The following SNRPN variants were observed in gnomAD, a reference collection of about 807,000 sequenced individuals.
SNRPN encodes small nuclear ribonucleoprotein-associated protein N.
Under a neutral mutation model 25.2 loss-of-function variants are expected in SNRPN, and 7 were observed. The ratio of observed to expected loss-of-function variants is 0.28; its 90% CI spans 0.16 to 0.52. SNRPN has a LOEUF of 0.52. Among genes scored for constraint, SNRPN ranks in the 20% least tolerant of loss-of-function variants. The pLI is 0.96. For missense variants in SNRPN, 196 were observed against 322.5 expected (o/e 0.61, Z 3.00); for synonymous variants, 124 against 110.6 (o/e 1.12, Z -0.76).
chr15:24,883,258 T>A (rs774679629), intron 1 of SNRPN, among the ~76,000 whole-genome samples: 5 of 152,242 alleles, frequency 3.3e-5, no homozygotes, highest in Non-Finnish European at 7.3e-5. Flanking sequence ...TTGGATGGTC[T>A]GCGGTGGGCA....
intron 3 of SNRPN, among the ~76,000 whole-genome samples, chr15:24,971,851 C>T (rs1596313614): frequency 6.6e-6 from 1 of 152,304 alleles, no homozygotes; most frequent in Admixed American, 6.5e-5. Context: ...CCATGAACTA[C>T]TCTGGAAACA....
At chr15:24,978,374 C>T (rs2153722875) in intron 9 of SNRPN, 33 bp from the exon 10 acceptor site, 10 of 1,614,004 alleles carry the variant, frequency 6.2e-6, no homozygotes, top group Middle Eastern at 3.3e-4. Context: ...TATGTGTATC[C>T]TCTTTTTCTC....
chr15:24,975,582 G>A (rs2076964336), intron 5 of SNRPN, 73 bp downstream of exon 5: 1 of 1,278,462 alleles, frequency 7.8e-7, no homozygotes, highest in South Asian at 1.3e-5. Context: ...TGGAGTAAGG[G>A]ATTTCCGAGG....
chr15:24,907,657 G>C (rs1186168677), intron 2 of SNRPN, among the ~76,000 whole-genome samples: 1 of 151,898 alleles, frequency 6.6e-6, no homozygotes, highest in African/African-American at 2.4e-5. Flanking sequence ...TGTTGCCCAG[G>C]CTGGTCTTAA....
intron 2 of SNRPN, among the ~76,000 whole-genome samples, chr15:24,910,466 T>C (rs1230925267): frequency 6.6e-6 from 1 of 151,844 alleles, no homozygotes; most frequent in African/African-American, 2.4e-5. Flanking sequence ...CAGAGTGAGA[T>C]CCCATCTCAA....
Position 24,976,512 on chromosome 15 carries a change from A to G in SNRPN, c.267+96A>G, listed in dbSNP as rs556268973. 147 of 855,788 alleles carry G rather than the reference A, an allele frequency of 1.7e-4. 1 individual carries two copies. The highest frequency in any genetic ancestry group is 7.0e-4 in the South Asian group (47 of 67,400). The allele number at this position is 855,788 out of a possible 1,614,324, so 53.0% of individuals were successfully genotyped here. Reference sequence around the variant, plus strand: ...CAGGGTAGAGCAGACACAGTTCAACATGGATTGTCAAATAAAATGTGCCAG... The same window carrying G: ...CAGGGTAGAGCAGACACAGTTCAACGTGGATTGTCAAATAAAATGTGCCAG... On this transcript the variant is annotated intron_variant, in intron 6 of 9. Coordinates refer to ENST00000390687, the MANE Select transcript of SNRPN (RefSeq NM_003097.6).
intron 3 of SNRPN, among the ~76,000 whole-genome samples, chr15:24,947,552 C>T (rs952382665): frequency 6.6e-5 from 10 of 152,232 alleles, no homozygotes; most frequent in South Asian, 2.1e-4. Context: ...TGCCTGAACC[C>T]GGGAGGCGGA....
rs1315530777 is a variant in SNRPN at position 24,846,714 on chromosome 15, G to A, written c.-579+16809G>A. 3.3e-5 allele frequency among the ~76,000 whole-genome samples: 5 copies of A among 152,194 alleles called. No individual in the cohort carries two copies. The South Asian group carries it at 6.2e-4, about 19-fold the overall frequency. ...ACATTTTTGAGACATCACAGGGAGA[G>A]TAACAATTTCAGTACACTGAAGGAA... On this transcript the variant is annotated intron_variant, in intron 2 of 12. Transcript: ENST00000400100.
intron 2 of SNRPN, among the ~76,000 whole-genome samples, chr15:24,839,772 A>G (rs1213992467): frequency 6.6e-6 from 1 of 151,594 alleles, no homozygotes; most frequent in Non-Finnish European, 1.5e-5. Flanking sequence ...GGCTCCAGAC[A>G]GCCATGGGAG....
chr15:24,881,938 A>G (rs1313626877), intron 1 of SNRPN, among the ~76,000 whole-genome samples: 1 of 152,194 alleles, frequency 6.6e-6, no homozygotes, highest in South Asian at 2.1e-4. Flanking sequence ...GCGGAACAAG[A>G]TATCCTTCCT....
intron 2 of SNRPN, among the ~76,000 whole-genome samples, chr15:24,895,461 C>G (rs950455999): frequency 6.6e-6 from 1 of 151,280 alleles, no homozygotes; most frequent in Non-Finnish European, 1.5e-5. Context: ...TTCCCTATGA[C>G]TATCTTAAAA....
chr15:24,924,944 T>A (rs534503427), intron 3 of SNRPN, among the ~76,000 whole-genome samples: 1 of 152,292 alleles, frequency 6.6e-6, no homozygotes, highest in African/African-American at 2.4e-5. Flanking sequence ...GGATGATAAA[T>A]GTCTGCATGT....
At chr15:24,924,649 CTTTTT>C (rs774430880) in intron 3 of SNRPN, among the ~76,000 whole-genome samples, 2 of 145,374 alleles carry the variant, frequency 1.4e-5, no homozygotes, top group South Asian at 4.4e-4. Context: ...TGCCCGGCTA[CTTTTT>C]TTTTTTTTAT....
intron 3 of SNRPN, among the ~76,000 whole-genome samples, chr15:24,971,616 C>T (rs2076418088): frequency 6.6e-6 from 1 of 152,046 alleles, no homozygotes; most frequent in Admixed American, 6.6e-5. Context: ...ACTCACATCC[C>T]TAGATGTGTT....
rs895221060 is a variant in SNRPN at position 24,882,832 on chromosome 15, A to C, written c.-578-3684A>C. Among the ~76,000 whole-genome samples the C allele has an allele frequency of 9.0e-5, 12 of 133,822 alleles. 1 individual carries two copies. The highest frequency in any genetic ancestry group is 6.3e-5 in the Non-Finnish European group (4 of 63,754). 87.8% of individuals were successfully genotyped at this position (133,822 alleles called of 152,430 possible). A position where few individuals can be genotyped will look rare whatever the true frequency, so the allele number is the denominator to read the frequency against. The stretch of plus-strand genomic sequence containing the variant: ...GAGCGAGACTCCATCTCAAAAAAAA[A>C]AATATATATATATATAGTGAGTTGA... On this transcript the variant is annotated intron_variant, in intron 1 of 11. Transcript: ENST00000400097.
At chr15:24,864,681 A>C (rs1246319080) in intron 1 of SNRPN, among the ~76,000 whole-genome samples, 1 of 151,730 alleles carries the variant, frequency 6.6e-6, no homozygotes. Flanking sequence ...TTTTTAATAG[A>C]TACATTTCCC....
chr15:24,881,604 AGAGAGAGAGAGAGAG>A (rs1566864554), intron 1 of SNRPN, among the ~76,000 whole-genome samples: 1,461 of 68,496 alleles, frequency 0.021, 36 homozygotes, highest in African/African-American at 0.047. Context: ...AGAGAGAGAG[AGAGAGAGAGAGAGAG>A]AAAGTCACAG....
intron 2 of SNRPN, among the ~76,000 whole-genome samples, chr15:24,840,098 C>T (rs2051562720): frequency 6.6e-6 from 1 of 152,204 alleles, no homozygotes; most frequent in Non-Finnish European, 1.5e-5. Context: ...TGGCTCATGC[C>T]TGTAATCCCA....
At chr15:24,900,222 G>T (rs550712667) in intron 2 of SNRPN, among the ~76,000 whole-genome samples, 5 of 152,286 alleles carry the variant, frequency 3.3e-5, no homozygotes, top group African/African-American at 4.8e-5. Flanking sequence ...ACAAGCTTAG[G>T]TTCCTTAATT....
Sources: allele counts gnomAD v4.1 joint callset (sites outside exome capture counted in the v4.1 genomes callset), GRCh38; gene constraint gnomAD v4.1.1; transcripts MANE v1.5; gene names NCBI Gene and HGNC (gene_info 2026-07-23, HGNC 2026-07-21).